RBFOX1: variants seen among roughly 807,000 people sequenced by gnomAD.
The protein encoded by RBFOX1 is RNA binding fox-1 homolog 1.
Under a neutral mutation model 57.7 loss-of-function variants are expected in RBFOX1, and 8 were observed. The observed-to-expected ratio is 0.14, with a 90% CI of 0.08 to 0.25. RBFOX1 has a LOEUF of 0.25. Among genes scored for constraint, RBFOX1 ranks in the 10% least tolerant of loss-of-function variants. RBFOX1 has a pLI of 1.00. For missense variants in RBFOX1, 611 were observed against 548.5 expected (o/e 1.11, Z -1.14); for synonymous variants, 326 against 222.4 (o/e 1.47, Z -4.15).
chr16:5,835,648 C>T (rs1313142277), intron 3 of RBFOX1, among the ~76,000 whole-genome samples: 2 of 152,206 alleles, frequency 1.3e-5, no homozygotes, highest in Non-Finnish European at 2.9e-5. Flanking sequence ...GCAGGTGGCT[C>T]TGCCTGGACC....
intron 1 of RBFOX1, among the ~76,000 whole-genome samples, chr16:6,263,838 G>A (rs1355615304): frequency 1.3e-5 from 2 of 152,140 alleles, no homozygotes; most frequent in Non-Finnish European, 2.9e-5. Context: ...ATCCCAAAAT[G>A]CCATTCCAAA....
At chr16:6,249,189 A>G (rs2097587137) in intron 1 of RBFOX1, among the ~76,000 whole-genome samples, 6 of 152,178 alleles carry the variant, frequency 3.9e-5, no homozygotes, top group Admixed American at 3.9e-4. Context: ...ATGCATGACC[A>G]GCTATGGGAC....
At chr16:5,958,474 A>G (rs28639561) in intron 4 of RBFOX1, among the ~76,000 whole-genome samples, 33,228 of 152,048 alleles carry the variant, frequency 0.22, 3,861 homozygotes, top group Admixed American at 0.3. Context: ...TCTGCCAATT[A>G]TTAGGTATTA....
rs2069386013 is a variant in RBFOX1, at chr16:5,477,862, C to G, written c.258+10608C>G. Among the ~76,000 whole-genome samples the G allele has an allele frequency of 3.9e-5, 6 of 152,258 alleles. No individual in the cohort carries two copies. The South Asian group carries it at 1.2e-3, about 32-fold the overall frequency. ...TCAGACACTATTGTTCTTCCCTGGC[C>G]AGTTAGCGTGATGTTTTTCGTTAGC... On this transcript the variant is annotated intron_variant, in intron 2 of 2. Coordinates refer to the RBFOX1 transcript ENST00000585867.
rs181901399 is a variant in RBFOX1 at position 6,838,456 on chromosome 16, T to G, written c.-16+183806T>G. On this transcript the variant is annotated intron_variant, in intron 3 of 15. Coordinates refer to ENST00000550418, the MANE Select transcript of RBFOX1 (RefSeq NM_018723.4). ...ATGGGCATTTGGGTTGACTAGCCCT[T>G]TTCTAGAAATGTCTGAATAACCTGC... 7.2e-3 allele frequency among the ~76,000 whole-genome samples: 1,096 copies of G among 152,310 alleles called. 8 individuals are homozygous for G. Among genetic ancestry groups the G allele is most frequent in the Non-Finnish European group, 0.011 (729 of 68,022 alleles).
rs140497225 is a variant in RBFOX1 at position 6,877,856 on chromosome 16, C to T, written c.-15-174201C>T. ...GTCTTCTTCCTATCCCCAAAATACC[C>T]ATTCAAAGAGAATAGGGAAAGGATT... On this transcript the variant is annotated intron_variant, in intron 3 of 15. Coordinates refer to ENST00000550418, the MANE Select transcript of RBFOX1 (RefSeq NM_018723.4). Among the ~76,000 whole-genome samples, 845 of 152,218 alleles carry T rather than the reference C, an allele frequency of 5.6e-3. 17 individuals carry two copies. Among genetic ancestry groups the T allele is most frequent in the African/African-American group, 0.019 (804 of 41,532 alleles).
At position 5,574,683 on chromosome 16, in the gene RBFOX1, G is replaced by C. The variant is rs188137199; in HGVS notation, c.259-24219G>C. Among the ~76,000 whole-genome samples, 3 of 151,972 alleles carry C rather than the reference G, an allele frequency of 2.0e-5. No individual in the cohort carries two copies. In the South Asian group the frequency reaches 6.2e-4, roughly 32 times the overall value. ...TGACCTCAAGTGATCCGCCCACCTC[G>C]GCCTCCCAAAATGCGTTACATGCTT... On this transcript the variant is annotated intron_variant, in intron 2 of 2. Transcript: ENST00000585867.
intron 1 of RBFOX1, among the ~76,000 whole-genome samples, chr16:6,176,313 ATTTTTTTTTTTTTT>A (rs34667158): frequency 5.2e-5 from 5 of 95,256 alleles, no homozygotes; most frequent in Non-Finnish European, 7.7e-5. Context: ...GCCTGACCAA[ATTTTTTTTTTTTTT>A]TTTTTTTTTT....
intron 4 of RBFOX1, among the ~76,000 whole-genome samples, chr16:5,907,757 C>CATCATCATCATCATT (rs2058497405): frequency 6.7e-6 from 1 of 149,828 alleles, no homozygotes; most frequent in African/African-American, 2.5e-5. Context: ...TCATCATCAT[C>CATCATCATCATCATT]ATCATCATTT....
intron 3 of RBFOX1, among the ~76,000 whole-genome samples, chr16:6,897,011 C>T (rs1567769701): frequency 6.6e-6 from 1 of 152,174 alleles, no homozygotes; most frequent in Admixed American, 6.5e-5. Flanking sequence ...AGGGGACGCA[C>T]CTGTGCAGAG....
At chr16:6,213,871 G>T (rs946696811) in intron 1 of RBFOX1, among the ~76,000 whole-genome samples, 4 of 152,138 alleles carry the variant, frequency 2.6e-5, no homozygotes, top group African/African-American at 9.7e-5. Context: ...AGGGGATGGG[G>T]TCAGGGGATG....
chr16:5,335,030 T>C (rs1481284200), intron 1 of RBFOX1, among the ~76,000 whole-genome samples: 1 of 152,156 alleles, frequency 6.6e-6, no homozygotes, highest in Non-Finnish European at 1.5e-5. Flanking sequence ...CTGATAAACA[T>C]CACCAAAGTG....
At chr16:5,965,142 A>G (rs150202540) in intron 4 of RBFOX1, among the ~76,000 whole-genome samples, 1 of 152,242 alleles carries the variant, frequency 6.6e-6, no homozygotes, top group Non-Finnish European at 1.5e-5. Flanking sequence ...ACGGTGGGAA[A>G]AATAGGAAGA....
In RBFOX1 at chr16:5,813,476, A is replaced by G. The variant is rs552376070; in HGVS notation, c.319-53827A>G. On this transcript the variant is annotated intron_variant, in intron 3 of 19. Transcript: ENST00000641259. The stretch of plus-strand genomic sequence containing the variant: ...CTATACAATGGAATATGATTCAGCC[A>G]TAAAGGGAATGAAGCACTGATTCAT... Among the ~76,000 whole-genome samples the G allele has an allele frequency of 3.3e-5, 5 of 152,332 alleles. No homozygotes were observed. The South Asian group carries it at 1.0e-3, about 32-fold the overall frequency.
At chr16:7,053,937 C>G (rs1237032669) in intron 4 of RBFOX1, among the ~76,000 whole-genome samples, 1 of 151,962 alleles carries the variant, frequency 6.6e-6, no homozygotes, top group Non-Finnish European at 1.5e-5. Context: ...ATATAGGGTT[C>G]AAAATTTAAA....
chr16:7,665,405 G>C (rs542540808), intron 13 of RBFOX1, among the ~76,000 whole-genome samples: 49 of 152,174 alleles, frequency 3.2e-4, no homozygotes, highest in African/African-American at 1.2e-3. Flanking sequence ...TATCACAGTA[G>C]CCTTAGGAAC....
chr16:6,171,173 C>T (rs111932358), intron 1 of RBFOX1, among the ~76,000 whole-genome samples: 69 of 152,144 alleles, frequency 4.5e-4, no homozygotes, highest in African/African-American at 1.6e-3. Context: ...TCTCTTCTTC[C>T]CTCTCTCCTT....
At chr16:5,808,553 A>G (rs1397541403) in intron 3 of RBFOX1, among the ~76,000 whole-genome samples, 6 of 152,212 alleles carry the variant, frequency 3.9e-5, no homozygotes, top group Admixed American at 2.0e-4. Context: ...ACCCATGATC[A>G]TGGAATGTTC....
chr16:6,984,134 C>T (rs1199513324), intron 3 of RBFOX1, among the ~76,000 whole-genome samples: 2 of 152,084 alleles, frequency 1.3e-5, no homozygotes, highest in African/African-American at 2.4e-5. Flanking sequence ...GTAATCTCAG[C>T]AACTTGGGAG....
Sources: gnomAD v4.1 joint callset for allele counts (sites outside exome capture counted in the v4.1 genomes callset) on GRCh38, gnomAD v4.1.1 for gene constraint, MANE v1.5 for transcripts, NCBI Gene and HGNC (gene_info 2026-07-23, HGNC 2026-07-21) for gene names.